The following GOLGB1 variants were observed in gnomAD, a reference collection of about 807,000 sequenced individuals.
The protein encoded by GOLGB1 is golgin B1.
A neutral mutation model predicts 336.9 loss-of-function variants in GOLGB1; 174 were observed. That is an observed-to-expected ratio of 0.52 (90% CI 0.46 to 0.59). GOLGB1 has a LOEUF of 0.59. Ranked by LOEUF, GOLGB1 falls within the 20% of genes least tolerant of loss-of-function variation. GOLGB1 has a pLI of 0.00. For missense variants in GOLGB1, 3,331 were observed against 3,645.3 expected, an observed-to-expected ratio of 0.91 and a Z score of 2.22; for synonymous variants, 1,208 against 1,289.2, an observed-to-expected ratio of 0.94 and a Z score of 1.35.
In GOLGB1 at chr3:121,696,865, A is replaced by G. The variant is rs1217700831; in HGVS notation, c.3658T>C (p.Leu1220=). 1.9e-6 allele frequency: 3 copies of G among 1,614,134 alleles called. No homozygotes were observed. The highest frequency in any genetic ancestry group is 1.7e-5 in the Admixed American group (1 of 60,018). ...LKQQKDDYNR[L]QEQFDEQSKE... is the part of the protein sequence containing the mutation. ...CTTTGCTCATCAAACTGTTCTTGCA[A>G]GCGATTATAGTCATCTTTCTGTTGC... The change falls in exon 13 of 22, where the codon TTG becomes CTG. Residue 1220 remains leucine, a synonymous_variant. Transcript: ENST00000614479.
At chr3:121,671,018 A>G (rs1262218505) in intron 17 of GOLGB1, among the ~76,000 whole-genome samples, 1 of 152,218 alleles carries the variant, frequency 6.6e-6, no homozygotes, top group Non-Finnish European at 1.5e-5. Context: ...CTGCCCTTTT[A>G]TCATAAATAA....
chr3:121,696,730 T>C lies in GOLGB1; in HGVS notation c.3793A>G (p.Thr1265Ala), dbSNP rs892070958. The change falls in exon 13 of 22, where the codon ACT becomes GCT. Residue 1265 changes from threonine to alanine, a missense_variant. Thr to Ala is a moderately conservative substitution (Grantham distance 58). Coordinates refer to ENST00000614479, the MANE Select transcript of GOLGB1 (RefSeq NM_001366282.2). ...STDQQESCSS[T>A]PGLEEPLFKA... is the part of the protein sequence containing the mutation. ...AATAAAGGTTCTTCTAAACCTGGAG[T>C]GGAAGAACACGATTCCTGCTGGTCT... is the stretch of plus-strand genomic sequence containing the variant. The C allele has an allele frequency of 8.1e-6, 13 of 1,613,948 alleles. No individual in the cohort carries two copies. The African/African-American group carries it at 1.2e-4, about 15-fold the overall frequency.
chr3:121,703,114 G>C (rs1397921385), intron 10 of GOLGB1, among the ~76,000 whole-genome samples: 1 of 151,878 alleles, frequency 6.6e-6, no homozygotes, highest in Non-Finnish European at 1.5e-5. Flanking sequence ...CAGAATTTTT[G>C]GTTTTCCTAA....
In GOLGB1 at chr3:121,667,546, G is replaced by A. The variant is rs1394803663; in HGVS notation, c.9484C>T (p.Leu3162=). 1.9e-6 allele frequency: 3 copies of A among 1,613,976 alleles called. No homozygotes were observed. Among genetic ancestry groups the A allele is most frequent in the Non-Finnish European group, 2.5e-6 (3 of 1,179,852 alleles). Residue 3162 remains leucine, a synonymous_variant, in exon 20 of 22, where the codon CTG becomes TTG. Coordinates refer to ENST00000614479, the MANE Select transcript of GOLGB1 (RefSeq NM_001366282.2). ...RQEVNELRKL[L]EEERDQRVAA... ...ACTCTTTGGTCTCGTTCTTCTTCCA[G>A]CAGCTTCCTTAATTCATTCACTTCC...
intron 1 of GOLGB1, among the ~76,000 whole-genome samples, chr3:121,738,868 G>C (rs1946662394): frequency 6.6e-6 from 1 of 152,136 alleles, no homozygotes; most frequent in African/African-American, 2.4e-5. Flanking sequence ...CCATATAGTT[G>C]AACAATGTCT....
At position 121,681,710 on chromosome 3, in the gene GOLGB1, C is replaced by A. The variant is rs573906584; in HGVS notation, c.8850G>T (p.Trp2950Cys). 6.2e-7 allele frequency: 1 copy of A among 1,610,002 alleles called. No homozygotes were observed. Among genetic ancestry groups the A allele is most frequent in the South Asian group, 1.1e-5 (1 of 90,576 alleles). Residue 2950 changes from tryptophan to cysteine, a missense_variant, in exon 15 of 22, where the codon TGG becomes TGT. Physicochemically the swap from Trp to Cys is radical, Grantham distance 215 (BLOSUM62 -2). Transcript: ENST00000614479. Reference sequence around the variant, plus strand: ...ACCTGAGCTGATGCAGCTCATGCTGCCAGGAGAGGTTTTCCTGCCTGAGCT... The same window carrying A: ...ACCTGAGCTGATGCAGCTCATGCTGACAGGAGAGGTTTTCCTGCCTGAGCT... ...QEELRQENLS[W>C]QHELHQLRME... is the part of the protein sequence containing the mutation.
At position 121,691,927 on chromosome 3, in the gene GOLGB1, GTCTCGA is replaced by G. The variant is rs749144849; in HGVS notation, c.7431_7436del (p.Asp2479_Arg2480del). ...GCTGTTGATAGTCACCCACTATGCG[GTCTCGA>G]TCATTTTGGAGAGAAGACATGGATT... On this transcript the variant is annotated inframe_deletion, in exon 14 of 22. Transcript: ENST00000614479. The G allele has an allele frequency of 6.2e-7, 1 of 1,614,142 alleles. No homozygotes were observed. Among genetic ancestry groups the G allele is most frequent in the Admixed American group, 1.7e-5 (1 of 60,026 alleles).
intron 10 of GOLGB1, among the ~76,000 whole-genome samples, chr3:121,713,558 T>G (rs1450458204): frequency 6.6e-6 from 1 of 152,220 alleles, no homozygotes; most frequent in African/African-American, 2.4e-5. Context: ...TATATGATGC[T>G]GTGAAACAGG....
intron 10 of GOLGB1, among the ~76,000 whole-genome samples, chr3:121,708,579 G>A (rs1158463765): frequency 2.6e-5 from 4 of 152,150 alleles, no homozygotes; most frequent in Non-Finnish European, 5.9e-5. Context: ...GCTATAGTGA[G>A]CTGTGATCAT....
Position 121,696,561 on chromosome 3 carries a change from G to A in GOLGB1, c.3962C>T (p.Ala1321Val), listed in dbSNP as rs1317768563. ...TTTCAATTCTAACTCTACTTTCTCA[G>A]CCTCTATTTCCTTCAGCTGGGCCTT... The part of the protein sequence containing the change: ...QIKAQLKEIE[A>V]EKVELELKVS... Residue 1321 changes from alanine to valine, a missense_variant, in exon 13 of 22, where the codon GCT becomes GTT. By Grantham distance (64) the Ala-to-Val change is moderately conservative. Coordinates refer to ENST00000614479, the MANE Select transcript of GOLGB1 (RefSeq NM_001366282.2). 6 of 1,614,070 alleles carry A rather than the reference G, an allele frequency of 3.7e-6. No homozygotes were observed. The highest frequency in any genetic ancestry group is 5.1e-6 in the Non-Finnish European group (6 of 1,180,004).
chr3:121,663,578 G>C lies in GOLGB1; in HGVS notation c.*902C>G, dbSNP rs1310361597. ...AGCAAAGTAGCTTAGTACTTCAAGA[G>C]GTCAGGAGTTGCAGTGTGGTGTTAG... is the stretch of plus-strand genomic sequence containing the variant. On this transcript the variant is annotated 3_prime_UTR_variant, in exon 22 of 22. Coordinates refer to ENST00000614479, the MANE Select transcript of GOLGB1 (RefSeq NM_001366282.2). 1 of 152,224 alleles carries C rather than the reference G, an allele frequency of 6.6e-6. No individual in the cohort carries two copies. The highest frequency in any genetic ancestry group is 1.5e-5 in the Non-Finnish European group (1 of 68,040). 9.4% of individuals were successfully genotyped at this position (152,224 alleles called of 1,614,324 possible). A position where few individuals can be genotyped will look rare whatever the true frequency, so the allele number is the denominator to read the frequency against.
chr3:121,718,469 T>C lies in GOLGB1; in HGVS notation c.804A>G (p.Glu268=), dbSNP rs1169239283. 3.7e-6 allele frequency: 6 copies of C among 1,613,652 alleles called. No individual in the cohort carries two copies. In the African/African-American group the frequency reaches 5.3e-5, roughly 14 times the overall value. The part of the protein sequence containing the change: ...KLRVLQRKLE[E]HEESLVGRAQ... ...CACGGCCCACCAAGGATTCTTCGTG[T>C]TCCTCAAGCTTCCTTTGCAGCACCC... Residue 268 remains glutamate (E), a synonymous_variant, in exon 8 of 22, where the codon GAA becomes GAG. Coordinates refer to ENST00000614479, the MANE Select transcript of GOLGB1 (RefSeq NM_001366282.2).
At chr3:121,672,875 TAG>T (rs1939740431) in intron 17 of GOLGB1, among the ~76,000 whole-genome samples, 1 of 152,224 alleles carries the variant, frequency 6.6e-6, no homozygotes, top group African/African-American at 2.4e-5. Flanking sequence ...CACCATTTAT[TAG>T]AGAGATTGTC....
intron 10 of GOLGB1, among the ~76,000 whole-genome samples, chr3:121,710,887 G>GA (rs35841499): frequency 2.0e-5 from 3 of 147,826 alleles, no homozygotes; most frequent in African/African-American, 5.0e-5. Context: ...TTTAAAAAAA[G>GA]AAAAAAAAAA....
intron 14 of GOLGB1, among the ~76,000 whole-genome samples, chr3:121,685,185 T>C (rs1941585401): frequency 6.6e-6 from 1 of 152,180 alleles, no homozygotes; most frequent in South Asian, 2.1e-4. Context: ...CTGAATTGAT[T>C]TAACCAAAAT....
intron 1 of GOLGB1, among the ~76,000 whole-genome samples, chr3:121,738,261 A>G (rs76266671): frequency 1.3e-5 from 2 of 152,338 alleles, no homozygotes; most frequent in African/African-American, 4.8e-5. Context: ...AAGAAAACAA[A>G]ATAACCAACT....
In GOLGB1 at chr3:121,719,658, T is replaced by A. The variant is rs1205623995; in HGVS notation, c.759A>T (p.Thr253=). ...LQLVTQADVE[T]EMQQKLRVLQ... ...TTTAGCAACACACCTGTTGCATCTCTGTTTCCACATCTGCCTGGGTTACTA... is the reference window on the plus strand; with the variant it reads ...TTTAGCAACACACCTGTTGCATCTCAGTTTCCACATCTGCCTGGGTTACTA... Residue 253 remains threonine (T), a synonymous_variant, in exon 7 of 22, where the codon ACA becomes ACT. Coordinates refer to ENST00000614479, the MANE Select transcript of GOLGB1 (RefSeq NM_001366282.2). The A allele has an allele frequency of 6.2e-7, 1 of 1,607,950 alleles. No homozygotes were observed. Among genetic ancestry groups the A allele is most frequent in the Non-Finnish European group, 8.5e-7 (1 of 1,177,230 alleles).
At chr3:121,685,521 G>A (rs1460309326) in intron 14 of GOLGB1, among the ~76,000 whole-genome samples, 2 of 150,852 alleles carry the variant, frequency 1.3e-5, no homozygotes, top group East Asian at 1.9e-4. Context: ...GCAACAGAGC[G>A]AGACTCTGTT....
chr3:121,692,544 G>C lies in GOLGB1; in HGVS notation c.6820C>G (p.Gln2274Glu). 1 of 1,603,966 alleles carries C rather than the reference G, an allele frequency of 6.2e-7. No individual in the cohort carries two copies. Among genetic ancestry groups the C allele is most frequent in the South Asian group, 1.1e-5 (1 of 88,634 alleles). The change falls in exon 14 of 22, where the codon CAG (glutamine) becomes GAG (glutamate). Residue 2274 changes from glutamine (Q) to glutamate (E), a missense_variant. Gln to Glu is a conservative substitution (Grantham distance 29). Transcript: ENST00000614479. ...TTCTGCTGAAGCTGGACCTCTGTCT[G>C]GGCCTTGGACTCCCAAATCTGCTTG... is the stretch of plus-strand genomic sequence containing the variant. ...HDKQIWESKA[Q>E]TEVQLQQKVC...
Sources: gnomAD v4.1 joint callset for allele counts (sites outside exome capture counted in the v4.1 genomes callset) on GRCh38, gnomAD v4.1.1 for gene constraint, MANE v1.5 for transcripts, NCBI Gene and HGNC (gene_info 2026-07-23, HGNC 2026-07-21) for gene names.